RBM15: variants seen among roughly 807,000 people sequenced by gnomAD.
The protein encoded by RBM15 is RNA binding motif protein 15, also known as RNA-binding protein 15.
A neutral mutation model predicts 62.6 loss-of-function variants in RBM15; 8 were observed. The ratio of observed to expected loss-of-function variants is 0.13; its 90% confidence interval spans 0.07 to 0.23. The LOEUF (loss-of-function observed/expected upper bound fraction) is 0.23. Ranked by LOEUF, RBM15 falls within the 10% of genes least tolerant of loss-of-function variation. The pLI, the probability that RBM15 is intolerant of heterozygous loss-of-function variation, is 1.00. For missense variants in RBM15, 1,144 were observed against 1,286.5 expected (o/e 0.89, Z 1.69); for synonymous variants, 606 against 505.7 (o/e 1.20, Z -2.66).
Position 110,342,249 on chromosome 1 carries a change from G to C in RBM15, c.2844G>C (p.Leu948=). The change falls in exon 1 of 3, where the codon CTG becomes CTC. Residue 948 remains leucine (L), a synonymous_variant. Transcript: ENST00000369784. ...KALAKSEEDY[L]VMIIVRGFGF... The stretch of plus-strand genomic sequence containing the variant: ...TGGCCAAATCTGAAGAAGATTACCT[G>C]GTCATGATCATTGTCCGTGGTGCGT... The C allele has an allele frequency of 2.5e-6, 4 of 1,588,456 alleles. No homozygotes were observed. The highest frequency in any genetic ancestry group is 3.4e-6 in the Non-Finnish European group (4 of 1,166,260).
chr1:110,339,778 A>T lies in RBM15; in HGVS notation c.373A>T (p.Ser125Cys). 1 of 1,606,732 alleles carries T rather than the reference A, an allele frequency of 6.2e-7. No homozygotes were observed. The highest frequency in any genetic ancestry group is 2.2e-5 in the East Asian group (1 of 44,686). ...GGGCAGCTCCAGTAGCCGCTTGCAT[A>T]GTTATAGCTCCCCGAGCACCAAAAA... ...GGGSSSSRLH[S>C]YSSPSTKNSS... is the part of the protein sequence containing the mutation. Residue 125 changes from serine (S) to cysteine (C), a missense_variant, in exon 1 of 3, where the codon AGT (serine) becomes TGT (cysteine). Transcript: ENST00000369784.
chr1:110,342,984 C>A (rs547659956), intron 1 of RBM15, among the ~76,000 whole-genome samples: 1 of 152,194 alleles, frequency 6.6e-6, no homozygotes, highest in Non-Finnish European at 1.5e-5. Context: ...CTTATGCTTA[C>A]ACTAGTATGC....
Position 110,341,933 on chromosome 1 carries a change from A to G in RBM15, c.2528A>G (p.Asp843Gly). The G allele has an allele frequency of 6.2e-7, 1 of 1,614,204 alleles. No individual in the cohort carries two copies. The highest frequency in any genetic ancestry group is 8.5e-7 in the Non-Finnish European group (1 of 1,180,038). Reference protein sequence around the residue: ...QRLRLDQPKLDEVTRRIKVAG... With the variant: ...QRLRLDQPKLGEVTRRIKVAG... ...CTCCGTTTGGACCAGCCCAAGTTGG[A>G]TGAAGTAACTCGACGCATCAAAGTA... Residue 843 changes from aspartate (D) to glycine (G), a missense_variant, in exon 1 of 3, where the codon GAT (aspartate) becomes GGT (glycine). Physicochemically the swap from Asp to Gly is moderately conservative, Grantham distance 94. Coordinates refer to ENST00000369784, the MANE Select transcript of RBM15 (RefSeq NM_022768.5). This position sits in a 1 kb window ranked among gnomAD's most constrained non-coding sequence, Gnocchi z 4.5.
chr1:110,341,450 A>G lies in RBM15; in HGVS notation c.2045A>G (p.Asp682Gly). ...AGTCCAGAATTGAGCAGTAGCCGGG[A>G]TCGTTACAACAGCGACAATGATCGA... ...DRSPELSSSR[D>G]RYNSDNDRSS... is the part of the protein sequence containing the mutation. Residue 682 changes from aspartate (D) to glycine (G), a missense_variant, in exon 1 of 3, where the codon GAT becomes GGT. Around this residue, in one of 8 missense-constraint regions of RBM15, gnomAD observed 360 missense variants for 342.9 expected, o/e 1.05. Transcript: ENST00000369784. This position sits in a 1 kb window ranked among gnomAD's most constrained non-coding sequence, Gnocchi z 4.5. 1.9e-6 allele frequency: 3 copies of G among 1,614,132 alleles called. No individual in the cohort carries two copies. Among genetic ancestry groups the G allele is most frequent in the South Asian group, 1.1e-5 (1 of 91,080 alleles).
In RBM15 at chr1:110,339,482, G is replaced by A. The variant is rs748046397; in HGVS notation, c.77G>A (p.Ser26Asn). Residue 26 changes from serine to asparagine, a missense_variant, in exon 1 of 3, where the codon AGC becomes AAC. By Grantham distance (46) the Ser-to-Asn change is conservative. Around this residue, in one of 8 missense-constraint regions of RBM15, gnomAD observed 298 missense variants for 250.0 expected, o/e 1.19. Transcript: ENST00000369784. ...WRRAVPLCETSAGRRVTQLRG... is the reference protein window; with the variant it reads ...WRRAVPLCETNAGRRVTQLRG... ...CGTGCGGTTCCGCTGTGTGAAACGA[G>A]CGCGGGGCGGCGGGTTACTCAGCTC... The A allele has an allele frequency of 1.3e-6, 2 of 1,572,626 alleles. No homozygotes were observed. The highest frequency in any genetic ancestry group is 2.7e-5 in the African/African-American group (2 of 73,876).
chr1:110,342,526 AG>A, intron 1 of RBM15: 1 of 399,456 alleles, frequency 2.5e-6, no homozygotes, highest in Non-Finnish European at 4.4e-6. Flanking sequence ...TGCTTTAATT[AG>A]GAGTTCCCAC....
At position 110,341,671 on chromosome 1, in the gene RBM15, A is replaced by G. The variant is rs1434624981; in HGVS notation, c.2266A>G (p.Thr756Ala). The change falls in exon 1 of 3, where the codon ACC becomes GCC. Residue 756 changes from threonine (T) to alanine (A), a missense_variant. By Grantham distance (58) the Thr-to-Ala change is moderately conservative (BLOSUM62 0). Coordinates refer to ENST00000369784, the MANE Select transcript of RBM15 (RefSeq NM_022768.5). The surrounding 1 kb of genome is among the most constrained non-coding windows in gnomAD (Gnocchi z 4.5). ...EDRSDGSAPS[T>A]STASSKLKSP... The stretch of plus-strand genomic sequence containing the variant: ...CCGCTCTGATGGGAGTGCACCTAGC[A>G]CCAGCACTGCTTCCTCCAAGCTGAA... The G allele has an allele frequency of 4.3e-6, 7 of 1,614,028 alleles. No homozygotes were observed. Among genetic ancestry groups the G allele is most frequent in the Middle Eastern group, 1.6e-4 (1 of 6,084 alleles).
Position 110,339,637 on chromosome 1 carries a change from G to A in RBM15, c.232G>A (p.Gly78Ser). Residue 78 changes from glycine (G) to serine (S), a missense_variant, in exon 1 of 3, where the codon GGT (glycine) becomes AGT (serine). Gly to Ser is a moderately conservative substitution (Grantham distance 56). Transcript: ENST00000369784. ...GCGGAGCAAGAAGTTAGGGGGCTCT[G>A]GTGGCAGCAATGGGAGCAGCAGCGG... ...GERSKKLGGS[G>S]GSNGSSSGKT... The A allele has an allele frequency of 6.2e-7, 1 of 1,613,388 alleles. No homozygotes were observed. The highest frequency in any genetic ancestry group is 1.1e-5 in the South Asian group (1 of 91,078).
Position 110,340,626 on chromosome 1 carries a change from G to A in RBM15, c.1221G>A (p.Arg407=), listed in dbSNP as rs777680641. 13 of 1,614,200 alleles carry A rather than the reference G, an allele frequency of 8.1e-6. No individual in the cohort carries two copies. Among genetic ancestry groups the A allele is most frequent in the Non-Finnish European group, 1.1e-5 (13 of 1,180,030 alleles). ...FGVITEVDIK[R]PSRGQTSTYG... ...TCATCACAGAAGTAGATATCAAGAG[G>A]CCTTCTCGCGGCCAGACTAGTACTT... Residue 407 remains arginine, a synonymous_variant, in exon 1 of 3, where the codon AGG becomes AGA. Coordinates refer to ENST00000369784, the MANE Select transcript of RBM15 (RefSeq NM_022768.5). The surrounding 1 kb of genome is among the most constrained non-coding windows in gnomAD (Gnocchi z 5.8).
chr1:110,342,289 G>A, intron 1 of RBM15, 21 bp downstream of exon 1: 1 of 1,528,700 alleles, frequency 6.5e-7, no homozygotes, highest in African/African-American at 1.4e-5. Flanking sequence ...AAGTCCATGT[G>A]TAACTTGTAT....
intron 1 of RBM15, among the ~76,000 whole-genome samples, chr1:110,344,209 G>C (rs1239089759): frequency 6.6e-6 from 1 of 152,056 alleles, no homozygotes; most frequent in East Asian, 1.9e-4. Flanking sequence ...CTACATACGT[G>C]GGCTCATAGT....
intron 2 of RBM15, among the ~76,000 whole-genome samples, chr1:110,345,884 A>G (rs919114340): frequency 1.6e-4 from 24 of 152,196 alleles, no homozygotes; most frequent in Admixed American, 6.5e-5. Context: ...CATATAAATT[A>G]CAGAATGAAA....
Position 110,341,585 on chromosome 1 carries a change from G to A in RBM15, c.2180G>A (p.Arg727Gln), listed in dbSNP as rs1660799069. The change falls in exon 1 of 3, where the codon CGA becomes CAA. Residue 727 changes from arginine (R) to glutamine (Q), a missense_variant. This residue lies in a region of RBM15 where 360 missense variants were observed against 342.9 expected (regional missense o/e 1.05). Transcript: ENST00000369784. The surrounding 1 kb of genome is among the most constrained non-coding windows in gnomAD (Gnocchi z 4.5). ...RDRKNSASAE[R>Q]DRKHRTTAPT... ...CGTAAAAACTCTGCATCAGCTGAAC[G>A]AGATAGGAAGCACCGGACAACTGCT... is the stretch of plus-strand genomic sequence containing the variant. 4 of 1,614,006 alleles carry A rather than the reference G, an allele frequency of 2.5e-6. No homozygotes were observed. The highest frequency in any genetic ancestry group is 1.7e-5 in the Admixed American group (1 of 60,008).
Position 110,340,800 on chromosome 1 carries a change from G to T in RBM15, c.1395G>T (p.Trp465Cys). Residue 465 changes from tryptophan to cysteine, a missense_variant, in exon 1 of 3, where the codon TGG (tryptophan) becomes TGT (cysteine). Physicochemically the swap from Trp to Cys is radical, Grantham distance 215. Coordinates refer to ENST00000369784, the MANE Select transcript of RBM15 (RefSeq NM_022768.5). This position sits in a 1 kb window ranked among gnomAD's most constrained non-coding sequence, Gnocchi z 5.8. ...TCTGGGTGGGAGGCCTGGGACCTTG[G>T]GTTCCTCTTGCTGCCCTGGCACGAG... ...TRLWVGGLGP[W>C]VPLAALAREF... 1.2e-6 allele frequency: 2 copies of T among 1,614,120 alleles called. No homozygotes were observed. The highest frequency in any genetic ancestry group is 1.7e-6 in the Non-Finnish European group (2 of 1,180,020).
intron 2 of RBM15, 109 bp downstream of exon 2, chr1:110,345,758 G>A (rs1273765827): frequency 3.0e-6 from 2 of 674,728 alleles, no homozygotes; most frequent in Non-Finnish European, 5.0e-6. Context: ...ACAATTATTT[G>A]TATGAGTGTT....
Position 110,341,236 on chromosome 1 carries a change from C to G in RBM15, c.1831C>G (p.Leu611Val). The change falls in exon 1 of 3, where the codon CTG becomes GTG. Residue 611 changes from leucine (L) to valine (V), a missense_variant. Leu to Val is a conservative substitution (Grantham distance 32, BLOSUM62 1). Transcript: ENST00000369784. This position sits in a 1 kb window ranked among gnomAD's most constrained non-coding sequence, Gnocchi z 4.5. Reference sequence around the variant, plus strand: ...TACTTCTGTGCCTGCTTACGAGCCACTGGATAGCCTAGATCGCAGGCGGGA... The same window carrying G: ...TACTTCTGTGCCTGCTTACGAGCCAGTGGATAGCCTAGATCGCAGGCGGGA... The part of the protein sequence containing the change: ...AATSVPAYEP[L>V]DSLDRRRDGW... 6.2e-7 allele frequency: 1 copy of G among 1,614,172 alleles called. No individual in the cohort carries two copies. Among genetic ancestry groups the G allele is most frequent in the Non-Finnish European group, 8.5e-7 (1 of 1,180,046 alleles).
Position 110,343,701 on chromosome 1 carries a change from T to G in RBM15, c.2863+1433T>G, listed in dbSNP as rs59764877. ...GTGCTGAAGACTTCAGCTAAGGCCC[T>G]TGATATTTAATTATGATTAGAGACT... On this transcript the variant is annotated intron_variant, in intron 1 of 2. Coordinates refer to ENST00000369784, the MANE Select transcript of RBM15 (RefSeq NM_022768.5). Among the ~76,000 whole-genome samples the G allele has an allele frequency of 3.5e-3, 537 of 152,270 alleles. 3 individuals are homozygous for G. Among genetic ancestry groups the G allele is most frequent in the African/African-American group, 0.012 (502 of 41,546 alleles).
Position 110,340,127 on chromosome 1 carries a change from A to G in RBM15, c.722A>G (p.Tyr241Cys), listed in dbSNP as rs1319698121. The change falls in exon 1 of 3, where the codon TAT becomes TGT. Residue 241 changes from tyrosine to cysteine, a missense_variant. By Grantham distance (194) the Tyr-to-Cys change is radical (BLOSUM62 -2). Transcript: ENST00000369784. The surrounding 1 kb of genome is among the most constrained non-coding windows in gnomAD (Gnocchi z 5.8). The stretch of plus-strand genomic sequence containing the variant: ...CATGCCAGAGGCCGCCTGGTGCTCT[A>G]TGACCGGCCTCTGAAGATAGAAGCT... ...AKHARGRLVL[Y>C]DRPLKIEAVY... The G allele has an allele frequency of 7.4e-6, 12 of 1,613,808 alleles. No homozygotes were observed. In the Middle Eastern group the frequency reaches 6.6e-4, roughly 89 times the overall value.
rs1332649968 is a variant in RBM15 at position 110,342,095 on chromosome 1, A to G, written c.2690A>G (p.Gln897Arg). Residue 897 changes from glutamine to arginine, a missense_variant, in exon 1 of 3, where the codon CAA (glutamine) becomes CGA (arginine). Around this residue, in one of 8 missense-constraint regions of RBM15, gnomAD observed 144 missense variants for 223.3 expected, o/e 0.64. Coordinates refer to ENST00000369784, the MANE Select transcript of RBM15 (RefSeq NM_022768.5). ...PLRNLVSYLK[Q>R]KQAAGVISLP... The stretch of plus-strand genomic sequence containing the variant: ...AGGAACCTTGTGTCCTATTTAAAGC[A>G]AAAGCAGGCAGCCGGGGTGATCAGC... 6.2e-7 allele frequency: 1 copy of G among 1,614,134 alleles called. No individual in the cohort carries two copies. The highest frequency in any genetic ancestry group is 8.5e-7 in the Non-Finnish European group (1 of 1,179,962).
Sources: allele counts gnomAD v4.1 joint callset (sites outside exome capture counted in the v4.1 genomes callset), GRCh38; gene constraint gnomAD v4.1.1; regional missense constraint gnomAD v4.1.1; non-coding constraint Gnocchi (gnomAD v3.1); transcripts MANE v1.5; gene names NCBI Gene and HGNC (gene_info 2026-07-23, HGNC 2026-07-21).